DCDC2: variants seen among roughly 807,000 people sequenced by gnomAD.
DCDC2 encodes doublecortin domain-containing protein 2.
Under a neutral mutation model 50.2 loss-of-function variants are expected in DCDC2, and 40 were observed. The observed-to-expected ratio is 0.80, with a 90% CI of 0.62 to 1.04. The LOEUF (loss-of-function observed/expected upper bound fraction) is 1.04. DCDC2 is among the 50% of genes least tolerant of loss of function. The pLI, the probability that DCDC2 is intolerant of heterozygous loss-of-function variation, is 0.00. For missense variants in DCDC2, 570 were observed against 581.9 expected (o/e 0.98, Z 0.21); for synonymous variants, 234 against 210.6 (o/e 1.11, Z -0.96).
chr6:24,174,618 A>G lies in DCDC2; in HGVS notation c.*112T>C. Reference sequence around the variant, plus strand: ...GCTTCTAATGTTATAATTCGTAGGTAGTATTCGACCATAGTGTCACATTAT... The same window carrying G: ...GCTTCTAATGTTATAATTCGTAGGTGGTATTCGACCATAGTGTCACATTAT... On this transcript the variant is annotated 3_prime_UTR_variant, in exon 10 of 10. Transcript: ENST00000378454. 1.6e-6 allele frequency: 1 copy of G among 645,068 alleles called. No homozygotes were observed. The highest frequency in any genetic ancestry group is 2.7e-5 in the East Asian group (1 of 37,590). The allele number at this position is 645,068 out of a possible 1,614,324, so 40.0% of individuals were successfully genotyped here.
chr6:24,278,222 A>C lies in DCDC2; in HGVS notation c.760-11T>G, dbSNP rs1275025837. ...GTGGCGATCATTTCCCTAAATGGCA[A>C]AGTATTAGACCCTTATTATTAGCTA... is the stretch of plus-strand genomic sequence containing the variant. On this transcript the variant is annotated splice_polypyrimidine_tract_variant and intron_variant, in intron 6 of 9. Transcript: ENST00000378454. 6.2e-7 allele frequency: 1 copy of C among 1,605,894 alleles called. No homozygotes were observed. The highest frequency in any genetic ancestry group is 8.5e-7 in the Non-Finnish European group (1 of 1,177,514).
chr6:24,240,641 T>A (rs988088437), intron 7 of DCDC2, among the ~76,000 whole-genome samples: 2 of 152,152 alleles, frequency 1.3e-5, no homozygotes, highest in Non-Finnish European at 2.9e-5. Flanking sequence ...ATCAAAGTAA[T>A]ACAAAAGGGC....
chr6:24,240,540 T>C (rs1762543261), intron 7 of DCDC2, among the ~76,000 whole-genome samples: 1 of 152,208 alleles, frequency 6.6e-6, no homozygotes, highest in Admixed American at 6.5e-5. Flanking sequence ...TTTATGGGCC[T>C]AGGTGGTAGA....
chr6:24,270,390 T>C (rs923044666), intron 7 of DCDC2, among the ~76,000 whole-genome samples: 1 of 152,088 alleles, frequency 6.6e-6, no homozygotes, highest in African/African-American at 2.4e-5. Flanking sequence ...GTATCAGGAG[T>C]GTGCCATTAC....
At chr6:24,331,609 T>C (rs772805474) in intron 2 of DCDC2, among the ~76,000 whole-genome samples, 13 of 152,164 alleles carry the variant, frequency 8.5e-5, no homozygotes, top group Non-Finnish European at 4.4e-5. Flanking sequence ...TCGTCAGAAA[T>C]ATTTGGATAT....
intron 5 of DCDC2, 129 bp downstream of exon 5, chr6:24,290,803 T>G: frequency 1.3e-6 from 1 of 799,104 alleles, no homozygotes; most frequent in East Asian, 2.8e-5. Context: ...ATGTATACCA[T>G]ATATGCTTTC....
chr6:24,294,491 C>T (rs900050538), intron 4 of DCDC2, among the ~76,000 whole-genome samples: 6 of 151,710 alleles, frequency 4.0e-5, no homozygotes, highest in African/African-American at 9.7e-5. Flanking sequence ...TGAAGGAGAT[C>T]GAGACATGAA....
chr6:24,340,289 G>A (rs1760131657), intron 2 of DCDC2, among the ~76,000 whole-genome samples: 2 of 152,048 alleles, frequency 1.3e-5, no homozygotes, highest in African/African-American at 4.8e-5. Context: ...AGCCTAATAG[G>A]TGAGGAAAGT....
At chr6:24,366,843 C>A in the DCDC2 span, among the ~76,000 whole-genome samples, 5 of 129,890 alleles carry the variant, frequency 3.8e-5, no homozygotes, top group African/African-American at 1.3e-4. Context: ...TTTATAAAAT[C>A]TAAATCTTTT....
intron 7 of DCDC2, among the ~76,000 whole-genome samples, chr6:24,246,491 T>C (rs1248393922): frequency 7.7e-6 from 1 of 129,102 alleles, no homozygotes. Context: ...TTTTTTTTTT[T>C]TTTTTTTTTT....
At chr6:24,212,170 G>A (rs1479611915) in intron 7 of DCDC2, among the ~76,000 whole-genome samples, 1 of 152,114 alleles carries the variant, frequency 6.6e-6, no homozygotes, top group East Asian at 1.9e-4. Context: ...CTCATGATCT[G>A]AGGTGGAACA....
intron 8 of DCDC2, among the ~76,000 whole-genome samples, chr6:24,185,830 G>A (rs1272994170): frequency 2.6e-5 from 4 of 152,084 alleles, no homozygotes; most frequent in African/African-American, 9.7e-5. Flanking sequence ...AAATACAAGA[G>A]GCAAAGGAGG....
At chr6:24,261,201 T>G (rs1310904149) in intron 7 of DCDC2, among the ~76,000 whole-genome samples, 1 of 91,150 alleles carries the variant, frequency 1.1e-5, no homozygotes, top group African/African-American at 3.1e-5. Context: ...ATCCATTTTC[T>G]TGCTTTTTTT....
At chr6:24,233,054 T>C (rs911328535) in intron 7 of DCDC2, among the ~76,000 whole-genome samples, 2 of 152,212 alleles carry the variant, frequency 1.3e-5, no homozygotes, top group Non-Finnish European at 2.9e-5. Flanking sequence ...TAATATGTTT[T>C]CAAGGGGACA....
chr6:24,303,288 C>T (rs1268722469), intron 2 of DCDC2, among the ~76,000 whole-genome samples: 1 of 152,098 alleles, frequency 6.6e-6, no homozygotes, highest in African/African-American at 2.4e-5. Context: ...CAAGCATGGC[C>T]TGCAAGAACT....
chr6:24,234,908 C>A (rs1762411297), intron 7 of DCDC2, among the ~76,000 whole-genome samples: 1 of 151,852 alleles, frequency 6.6e-6, no homozygotes. Context: ...TGCCAAACAC[C>A]CAGATTATGG....
Position 24,278,123 on chromosome 6 carries a change from A to G in DCDC2, c.848T>C (p.Val283Ala). Residue 283 changes from valine (V) to alanine (A), a missense_variant, in exon 7 of 10, where the codon GTG (valine) becomes GCG (alanine). Val to Ala is a moderately conservative substitution (Grantham distance 64). Transcript: ENST00000378454. Reference protein sequence around the residue: ...PLKRKGKKEDVNSEKLTKLKQ... With the variant: ...PLKRKGKKEDANSEKLTKLKQ... ...CAATTTCGTCAGTTTTTCTGAATTC[A>G]CGTCTTCTTTTTTCCCTTTCCTCTT... is the stretch of plus-strand genomic sequence containing the variant. The G allele has an allele frequency of 1.2e-6, 2 of 1,613,904 alleles. No individual in the cohort carries two copies. Among genetic ancestry groups the G allele is most frequent in the African/African-American group, 2.7e-5 (2 of 75,020 alleles).
intron 7 of DCDC2, among the ~76,000 whole-genome samples, chr6:24,242,512 G>A (rs550241381): frequency 3.9e-5 from 6 of 152,176 alleles, no homozygotes; most frequent in South Asian, 2.1e-4. Flanking sequence ...CCACCTCTCC[G>A]TGTCCTCCCA....
At chr6:24,184,198 A>G (rs1761143086) in intron 8 of DCDC2, among the ~76,000 whole-genome samples, 1 of 152,220 alleles carries the variant, frequency 6.6e-6, no homozygotes, top group African/African-American at 2.4e-5. Flanking sequence ...AGTCGCTACA[A>G]TAAGGACACT....
Sources: gnomAD v4.1 joint callset for allele counts (sites outside exome capture counted in the v4.1 genomes callset) on GRCh38, gnomAD v4.1.1 for gene constraint, MANE v1.5 for transcripts, NCBI Gene and HGNC (gene_info 2026-07-23, HGNC 2026-07-21) for gene names.